The following LRRTM4 variants were observed in gnomAD, a reference collection of about 807,000 sequenced individuals.
LRRTM4 encodes leucine rich repeat transmembrane neuronal 4.
LRRTM4 carries 25 observed loss-of-function variants against 47.6 expected under a neutral mutation model. That is an observed-to-expected ratio of 0.53 (90% CI 0.38 to 0.73). LRRTM4 has a LOEUF of 0.73. LRRTM4 is among the 30% of genes least tolerant of loss of function. The pLI is 0.00. For synonymous variants in LRRTM4, 311 were observed against 269.5 expected, an observed-to-expected ratio of 1.15 and a Z score of -1.51; for missense variants, 638 against 713.4, an observed-to-expected ratio of 0.89 and a Z score of 1.20.
intron 3 of LRRTM4, among the ~76,000 whole-genome samples, chr2:77,222,141 A>G (rs1674654655): frequency 6.6e-6 from 1 of 152,304 alleles, no homozygotes; most frequent in East Asian, 1.9e-4. Flanking sequence ...AGAAACAAAG[A>G]TGTTCTTTGA....
chr2:77,084,436 C>T (rs1488908888), intron 3 of LRRTM4, among the ~76,000 whole-genome samples: 1 of 152,180 alleles, frequency 6.6e-6, no homozygotes, highest in Non-Finnish European at 1.5e-5. Flanking sequence ...AAGTACCCCT[C>T]TTGTTTAGCT....
In LRRTM4 at chr2:76,893,562, T is replaced by C. The variant is rs528139805; in HGVS notation, c.1552-144646A>G. On this transcript the variant is annotated intron_variant, in intron 3 of 3. Coordinates refer to ENST00000409884, the MANE Select transcript of LRRTM4 (RefSeq NM_001134745.3). The stretch of plus-strand genomic sequence containing the variant: ...AAAGGTTTTTTCTACTTGTGGTTTC[T>C]AAATAATTGTGTAAGTCTAAACTAA... Among the ~76,000 whole-genome samples the C allele has an allele frequency of 3.9e-5, 6 of 151,938 alleles. No individual in the cohort carries two copies. The South Asian group carries it at 6.2e-4, about 16-fold the overall frequency.
chr2:76,992,819 A>C (rs1247612982), intron 3 of LRRTM4, among the ~76,000 whole-genome samples: 1 of 130,060 alleles, frequency 7.7e-6, no homozygotes, highest in Non-Finnish European at 1.6e-5. Flanking sequence ...TAGCCAAAGA[A>C]ATCCTGAGGA....
Position 76,880,639 on chromosome 2 carries a change from C to A in LRRTM4, c.1552-131723G>T, listed in dbSNP as rs75580700. ...CAAAACAGTATTGGAAGAAAAAAAA[C>A]CAAAACACAAAAAACCTCTGTGGGG... is the stretch of plus-strand genomic sequence containing the variant. On this transcript the variant is annotated intron_variant, in intron 3 of 3. Coordinates refer to ENST00000409884, the MANE Select transcript of LRRTM4 (RefSeq NM_001134745.3). 1.8e-3 allele frequency among the ~76,000 whole-genome samples: 273 copies of A among 152,102 alleles called. 1 individual carries two copies. The highest frequency in any genetic ancestry group is 6.3e-3 in the African/African-American group (261 of 41,512).
intron 3 of LRRTM4, among the ~76,000 whole-genome samples, chr2:76,785,005 A>G (rs935621590): frequency 3.3e-5 from 5 of 152,028 alleles, no homozygotes; most frequent in Non-Finnish European, 5.9e-5. Flanking sequence ...TCCAAATTTC[A>G]TATGGAAAAC....
intron 3 of LRRTM4, among the ~76,000 whole-genome samples, chr2:76,770,544 T>G (rs1358351145): frequency 6.6e-6 from 1 of 152,206 alleles, no homozygotes; most frequent in African/African-American, 2.4e-5. Flanking sequence ...TTTAAATGTT[T>G]GTTAATGTTT....
At chr2:77,033,759 C>A (rs574153933) in intron 3 of LRRTM4, among the ~76,000 whole-genome samples, 1 of 151,616 alleles carries the variant, frequency 6.6e-6, no homozygotes, top group African/African-American at 2.4e-5. Context: ...TTGTTTTATG[C>A]TATATATGTG....
chr2:76,842,853 T>C (rs1026403375), intron 3 of LRRTM4, among the ~76,000 whole-genome samples: 1 of 152,210 alleles, frequency 6.6e-6, no homozygotes, highest in Non-Finnish European at 1.5e-5. Flanking sequence ...ACCTCCAATT[T>C]TCTTATGAGT....
chr2:77,176,384 T>C (rs1008529543), intron 3 of LRRTM4, among the ~76,000 whole-genome samples: 1 of 152,180 alleles, frequency 6.6e-6, no homozygotes, highest in African/African-American at 2.4e-5. Flanking sequence ...AAGGCTCCCA[T>C]GGTATACGAC....
At chr2:77,498,170 A>G (rs566108007) in intron 3 of LRRTM4, among the ~76,000 whole-genome samples, 1 of 151,888 alleles carries the variant, frequency 6.6e-6, no homozygotes, top group African/African-American at 2.4e-5. Context: ...ATTTGTTCAG[A>G]TTTCATTACC....
At chr2:77,476,446 A>AT (rs1234446690) in intron 3 of LRRTM4, among the ~76,000 whole-genome samples, 3 of 152,088 alleles carry the variant, frequency 2.0e-5, no homozygotes, top group African/African-American at 2.4e-5. Context: ...CCATACATTG[A>AT]TTTTTTTGTA....
chr2:77,336,035 G>C (rs1671149922), intron 3 of LRRTM4, among the ~76,000 whole-genome samples: 1 of 151,838 alleles, frequency 6.6e-6, no homozygotes, highest in Non-Finnish European at 1.5e-5. Context: ...GGTCAGAGTA[G>C]TTGCAAACTA....
intron 3 of LRRTM4, among the ~76,000 whole-genome samples, chr2:77,175,312 G>A (rs980370898): frequency 6.6e-6 from 1 of 152,008 alleles, no homozygotes; most frequent in African/African-American, 2.4e-5. Context: ...ACATTTCCAG[G>A]ATCCAAGGTC....
intron 3 of LRRTM4, among the ~76,000 whole-genome samples, chr2:76,965,333 T>C (rs562610711): frequency 2.6e-5 from 4 of 151,376 alleles, no homozygotes; most frequent in African/African-American, 9.6e-5. Flanking sequence ...TTCAACAATG[T>C]GTAGAAAGAA....
chr2:77,306,309 A>T (rs1677270237), intron 3 of LRRTM4, among the ~76,000 whole-genome samples: 1 of 152,194 alleles, frequency 6.6e-6, no homozygotes, highest in Non-Finnish European at 1.5e-5. Flanking sequence ...ATGTCATTGA[A>T]CAACACAACC....
intron 3 of LRRTM4, among the ~76,000 whole-genome samples, chr2:76,832,020 T>C (rs927201491): frequency 1.3e-5 from 2 of 152,144 alleles, no homozygotes; most frequent in African/African-American, 4.8e-5. Flanking sequence ...ATTTTACCAA[T>C]TTTTATGAAG....
chr2:77,200,646 C>A (rs558942454), intron 3 of LRRTM4, among the ~76,000 whole-genome samples: 249 of 151,988 alleles, frequency 1.6e-3, no homozygotes, highest in Non-Finnish European at 2.6e-3. Flanking sequence ...AAAATATAAT[C>A]TTCACTCATT....
intron 3 of LRRTM4, among the ~76,000 whole-genome samples, chr2:77,213,409 A>G (rs1311967923): frequency 1.3e-5 from 2 of 152,092 alleles, no homozygotes; most frequent in Non-Finnish European, 2.9e-5. Flanking sequence ...TAGATTCCTC[A>G]TCTTATAAAA....
At chr2:77,111,283 A>ATTTTTTTTTTTT (rs71381260) in intron 3 of LRRTM4, among the ~76,000 whole-genome samples, 23 of 113,158 alleles carry the variant, frequency 2.0e-4, no homozygotes, top group African/African-American at 4.3e-4. Flanking sequence ...ACACCTGGCT[A>ATTTTTTTTTTTT]TTTTTTTTTT....
Sources: gnomAD v4.1 joint callset for allele counts (sites outside exome capture counted in the v4.1 genomes callset) on GRCh38, gnomAD v4.1.1 for gene constraint, MANE v1.5 for transcripts, NCBI Gene and HGNC (gene_info 2026-07-23, HGNC 2026-07-21) for gene names.